The following ZNF25 variants were observed in gnomAD, a reference collection of about 807,000 sequenced individuals.
ZNF25 encodes the protein zinc finger protein 25.
Under a neutral mutation model 30.9 loss-of-function variants are expected in ZNF25, and 21 were observed. The ratio of observed to expected loss-of-function variants is 0.68; its 90% CI spans 0.48 to 0.98. The LOEUF (loss-of-function observed/expected upper bound fraction) is 0.98. Ranked by LOEUF, ZNF25 falls within the 50% of genes least tolerant of loss-of-function variation. The pLI is 0.00. For synonymous variants in ZNF25, 169 were observed against 181.3 expected (o/e 0.93, Z 0.55); for missense variants, 501 against 529.9 (o/e 0.95, Z 0.54).
At chr10:37,958,104 GTGA>G (rs2062641890) in intron 2 of ZNF25, among the ~76,000 whole-genome samples, 1 of 152,156 alleles carries the variant, frequency 6.6e-6, no homozygotes. Flanking sequence ...CTGTCACTAA[GTGA>G]CACATGACTC....
chr10:37,971,059 T>C (rs2063461135), intron 2 of ZNF25, among the ~76,000 whole-genome samples: 1 of 152,218 alleles, frequency 6.6e-6, no homozygotes, highest in Non-Finnish European at 1.5e-5. Flanking sequence ...CTCACGCCTG[T>C]AATCCCAGCA....
Position 37,950,328 on chromosome 10 carries a change from G to A in ZNF25, c.*1799C>T, listed in dbSNP as rs550919789. 6.6e-6 allele frequency: 1 copy of A among 152,514 alleles called. No homozygotes were observed. Among genetic ancestry groups the A allele is most frequent in the African/African-American group, 2.4e-5 (1 of 41,570 alleles). The allele number at this position is 152,514 out of a possible 1,614,324, so 9.4% of individuals were successfully genotyped here. The stretch of plus-strand genomic sequence containing the variant: ...AATTTGAATATCATATAATTTTCAT[G>A]TGTCACAATATTCTTTGATTCTTTC... On this transcript the variant is annotated 3_prime_UTR_variant, in exon 6 of 6. Coordinates refer to ENST00000302609, the MANE Select transcript of ZNF25 (RefSeq NM_145011.4).
chr10:37,953,480 A>G, intron 5 of ZNF25: 2 of 613,344 alleles, frequency 3.3e-6, no homozygotes, highest in Non-Finnish European at 5.7e-6. Context: ...TTAATTCAGA[A>G]GAGTAAAAAG....
intron 2 of ZNF25, 108 bp downstream of exon 2, chr10:37,971,600 T>A: frequency 1.3e-6 from 2 of 1,544,560 alleles, no homozygotes; most frequent in Non-Finnish European, 8.8e-7. Flanking sequence ...TCTAATTTAG[T>A]ATATGGGCTC....
intron 2 of ZNF25, among the ~76,000 whole-genome samples, chr10:37,967,301 T>C (rs2063236966): frequency 1.3e-5 from 2 of 152,216 alleles, no homozygotes; most frequent in African/African-American, 4.8e-5. Flanking sequence ...TTTCAAAACT[T>C]ACTGCAAAGC....
At chr10:37,958,968 GA>G (rs1169611945) in intron 2 of ZNF25, among the ~76,000 whole-genome samples, 2 of 152,222 alleles carry the variant, frequency 1.3e-5, no homozygotes, top group African/African-American at 2.4e-5. Context: ...AGAATGGCTT[GA>G]ACCTGGGAGG....
intron 4 of ZNF25, among the ~76,000 whole-genome samples, chr10:37,956,216 A>T (rs1188121554): frequency 6.6e-6 from 1 of 152,226 alleles, no homozygotes; most frequent in Non-Finnish European, 1.5e-5. Flanking sequence ...AGCAACTCCA[A>T]AATGAAAGAA....
intron 2 of ZNF25, among the ~76,000 whole-genome samples, chr10:37,965,404 T>A (rs1163300338): frequency 6.6e-6 from 1 of 152,204 alleles, no homozygotes; most frequent in African/African-American, 2.4e-5. Context: ...TCAACTCCAG[T>A]CATTAAGATT....
intron 1 of ZNF25, among the ~76,000 whole-genome samples, chr10:37,975,503 T>G (rs895227218): frequency 1.3e-5 from 2 of 152,070 alleles, no homozygotes; most frequent in African/African-American, 4.8e-5. Flanking sequence ...CACCATAAAA[T>G]GGAGGAACTG....
intron 4 of ZNF25, among the ~76,000 whole-genome samples, chr10:37,955,969 C>T (rs946894097): frequency 1.3e-4 from 20 of 152,186 alleles, no homozygotes; most frequent in Non-Finnish European, 2.4e-4. Flanking sequence ...AGGCATGAGC[C>T]GCCACTCCCA....
At chr10:37,964,037 C>A (rs1284101559) in intron 2 of ZNF25, among the ~76,000 whole-genome samples, 2 of 152,038 alleles carry the variant, frequency 1.3e-5, no homozygotes, top group African/African-American at 2.4e-5. Context: ...CTCTCTTGCT[C>A]CCACTGTCAC....
At chr10:37,956,915 C>A (rs1477098515) in intron 4 of ZNF25, 105 bp downstream of exon 4, 1,285 of 516,952 alleles carry the variant, frequency 2.5e-3, no homozygotes, top group African/African-American at 7.7e-3. Flanking sequence ...AACTCTGTTT[C>A]AAAAAAAAAA....
chr10:37,952,804 A>C lies in ZNF25; in HGVS notation c.694T>G (p.Cys232Gly), dbSNP rs1447452297. The change falls in exon 6 of 6, where the codon TGT becomes GGT. Residue 232 changes from cysteine (C) to glycine (G), a missense_variant. Cys to Gly is a radical substitution (Grantham distance 159). Transcript: ENST00000302609. The stretch of plus-strand genomic sequence containing the variant: ...TAGAAGAACTTCCCACATTCAGTAC[A>C]TTCAAAAGGTTTCTCCCCTGTGTGT... ...KTHTGEKPFECTECGKFFYVK... is the reference protein window; with the variant it reads ...KTHTGEKPFEGTECGKFFYVK... 1.2e-6 allele frequency: 2 copies of C among 1,614,130 alleles called. No homozygotes were observed. Among genetic ancestry groups the C allele is most frequent in the Non-Finnish European group, 1.7e-6 (2 of 1,180,012 alleles).
intron 2 of ZNF25, among the ~76,000 whole-genome samples, chr10:37,963,957 AGAGT>A (rs2135390090): frequency 6.6e-6 from 1 of 152,288 alleles, no homozygotes; most frequent in Admixed American, 6.5e-5. Context: ...CCTGGGTAAC[AGAGT>A]GAGACTCTAC....
intron 1 of ZNF25, among the ~76,000 whole-genome samples, chr10:37,976,230 G>C (rs1005777604): frequency 1.3e-5 from 2 of 152,208 alleles, no homozygotes; most frequent in African/African-American, 4.8e-5. Flanking sequence ...CGTCTGCAGC[G>C]GCCAGCGCGC....
Position 37,960,373 on chromosome 10 carries a change from G to A in ZNF25, c.16-2827C>T, listed in dbSNP as rs567640937. On this transcript the variant is annotated intron_variant, in intron 2 of 5. Transcript: ENST00000302609. ...CTCACGCCTGTAATCCCAGCACTTC[G>A]GGAGGCTGAGGCGGGCGGATCACGA... 7.5e-4 allele frequency among the ~76,000 whole-genome samples: 114 copies of A among 151,750 alleles called. 1 individual carries two copies. Among genetic ancestry groups the A allele is most frequent in the South Asian group, 1.9e-3 (9 of 4,798 alleles).
chr10:37,961,811 C>T (rs2062892061), intron 2 of ZNF25, among the ~76,000 whole-genome samples: 1 of 151,602 alleles, frequency 6.6e-6, no homozygotes, highest in Non-Finnish European at 1.5e-5. Flanking sequence ...ATCCCAGCTA[C>T]TCAGGAGGCT....
intron 2 of ZNF25, among the ~76,000 whole-genome samples, chr10:37,958,964 G>A (rs998337461): frequency 1.3e-5 from 2 of 152,164 alleles, no homozygotes; most frequent in Non-Finnish European, 2.9e-5. Context: ...CAAGAGAATG[G>A]CTTGAACCTG....
chr10:37,966,503 A>C (rs1222239116), intron 2 of ZNF25, among the ~76,000 whole-genome samples: 2 of 152,174 alleles, frequency 1.3e-5, no homozygotes, highest in African/African-American at 4.8e-5. Context: ...CTGCGCAGGA[A>C]GCATGGCTGT....
Sources: allele counts gnomAD v4.1 joint callset (sites outside exome capture counted in the v4.1 genomes callset), GRCh38; gene constraint gnomAD v4.1.1; transcripts MANE v1.5; gene names NCBI Gene and HGNC (gene_info 2026-07-23, HGNC 2026-07-21).